Variants in KHDRBS2 observed in about 807,000 individuals in gnomAD.
The protein encoded by KHDRBS2 is KH RNA binding domain containing, signal transduction associated 2.
A neutral mutation model predicts 44.3 loss-of-function variants in KHDRBS2; 26 were observed. The ratio of observed to expected loss-of-function variants is 0.59; its 90% CI spans 0.43 to 0.81. KHDRBS2 has a LOEUF of 0.81. Ranked by LOEUF, KHDRBS2 falls within the 40% of genes least tolerant of loss-of-function variation. KHDRBS2 has a pLI of 0.00. For synonymous variants in KHDRBS2, 194 were observed against 151.1 expected (o/e 1.28, Z -2.08); for missense variants, 476 against 433.1 (o/e 1.10, Z -0.88).
intron 2 of KHDRBS2, among the ~76,000 whole-genome samples, chr6:62,080,839 C>T (rs1316744850): frequency 1.3e-5 from 2 of 151,972 alleles, no homozygotes; most frequent in Admixed American, 6.6e-5. Flanking sequence ...AACCCTGGCT[C>T]CCACCTTGCT....
At position 62,286,007 on chromosome 6, in the gene KHDRBS2, G is replaced by T. The variant is rs1428313273; in HGVS notation, c.-59C>A. On this transcript the variant is annotated 5_prime_UTR_variant, in exon 1 of 9. Transcript: ENST00000281156. Reference sequence around the variant, plus strand: ...CGAGGTTCCGCTCGCTCGGACGCAGGCAGGGTCTTGGGGCAGCGCCTGGCT... The same window carrying T: ...CGAGGTTCCGCTCGCTCGGACGCAGTCAGGGTCTTGGGGCAGCGCCTGGCT... 2 of 1,086,960 alleles carry T rather than the reference G, an allele frequency of 1.8e-6. No individual in the cohort carries two copies. Among genetic ancestry groups the T allele is most frequent in the Non-Finnish European group, 2.8e-6 (2 of 719,294 alleles). The allele number at this position is 1,086,960 out of a possible 1,614,324, so 67.3% of individuals were successfully genotyped here. A position where few individuals can be genotyped will look rare whatever the true frequency, so the allele number is the denominator to read the frequency against.
chr6:61,999,333 G>T (rs559516160), intron 3 of KHDRBS2, among the ~76,000 whole-genome samples: 9 of 152,104 alleles, frequency 5.9e-5, no homozygotes, highest in Non-Finnish European at 1.0e-4. Context: ...ATCAAGGTTT[G>T]CATAGTTACT....
intron 3 of KHDRBS2, among the ~76,000 whole-genome samples, chr6:62,005,013 G>T (rs1298841588): frequency 6.6e-6 from 1 of 151,754 alleles, no homozygotes; most frequent in East Asian, 1.9e-4. Context: ...GGAACTTCAT[G>T]ATTGAGAATC....
At chr6:62,059,198 G>GTTGTTTTTTTTTTTTTTTTTTTTT (rs1791038809) in intron 2 of KHDRBS2, among the ~76,000 whole-genome samples, 1 of 24,878 alleles carries the variant, frequency 4.0e-5, no homozygotes, top group African/African-American at 1.1e-4. Flanking sequence ...AAGTTAGGAA[G>GTTGTTTTTTTTTTTTTTTTTTTTT]TTTTTTTTTT....
chr6:61,857,589 T>TTAAAAAATA (rs1554244273), intron 6 of KHDRBS2, among the ~76,000 whole-genome samples: 1 of 72,012 alleles, frequency 1.4e-5, no homozygotes, highest in Non-Finnish European at 3.1e-5. Flanking sequence ...TACTTCATAT[T>TTAAAAAATA]TATTTTTCAT....
the KHDRBS2 span, among the ~76,000 whole-genome samples, chr6:61,650,708 A>C: frequency 6.6e-6 from 1 of 152,102 alleles, no homozygotes; most frequent in Non-Finnish European, 1.5e-5. Flanking sequence ...AACCAATTAC[A>C]ATTCCTTAGC....
At chr6:62,140,632 G>A (rs140995673) in intron 2 of KHDRBS2, among the ~76,000 whole-genome samples, 9 of 152,156 alleles carry the variant, frequency 5.9e-5, no homozygotes, top group South Asian at 4.1e-4. Context: ...CACACTTTCC[G>A]TTTTGGGACA....
At position 61,939,743 on chromosome 6, in the gene KHDRBS2, T is replaced by C. The variant is rs577115608; in HGVS notation, c.483+38323A>G. Among the ~76,000 whole-genome samples, 79 of 152,322 alleles carry C rather than the reference T, an allele frequency of 5.2e-4. 2 individuals carry two copies. In the South Asian group the frequency reaches 0.016, roughly 31 times the overall value. Reference sequence around the variant, plus strand: ...GAATCAGCATGATAGAATTATTCAATGTGAATTATAAAACTCTGGAAAGAA... The same window carrying C: ...GAATCAGCATGATAGAATTATTCAACGTGAATTATAAAACTCTGGAAAGAA... On this transcript the variant is annotated intron_variant, in intron 4 of 8. Coordinates refer to ENST00000281156, the MANE Select transcript of KHDRBS2 (RefSeq NM_152688.4).
chr6:61,771,159 C>A (rs1429626514), intron 6 of KHDRBS2, among the ~76,000 whole-genome samples: 1 of 152,156 alleles, frequency 6.6e-6, no homozygotes, highest in African/African-American at 2.4e-5. Context: ...CACCACCAGG[C>A]CTGCCCTAAA....
chr6:62,166,416 T>C (rs922894491), intron 2 of KHDRBS2, among the ~76,000 whole-genome samples: 5 of 152,006 alleles, frequency 3.3e-5, no homozygotes, highest in Non-Finnish European at 5.9e-5. Flanking sequence ...CTTTATAAAA[T>C]GGCATAAATC....
chr6:61,584,823 A>G, the KHDRBS2 span, among the ~76,000 whole-genome samples: 1 of 151,852 alleles, frequency 6.6e-6, no homozygotes, highest in Non-Finnish European at 1.5e-5. Context: ...CAATATAACA[A>G]CTTTAGAGTT....
chr6:61,638,406 A>G, the KHDRBS2 span, among the ~76,000 whole-genome samples: 1 of 152,228 alleles, frequency 6.6e-6, no homozygotes, highest in Non-Finnish European at 1.5e-5. Context: ...AGCAATGGGG[A>G]AAGGATTCCC....
At chr6:62,130,912 A>G (rs1810144265) in intron 2 of KHDRBS2, among the ~76,000 whole-genome samples, 1 of 152,144 alleles carries the variant, frequency 6.6e-6, no homozygotes, top group Non-Finnish European at 1.5e-5. Flanking sequence ...CAGAATGTAC[A>G]TCATTTTCAT....
Position 62,163,926 on chromosome 6 carries a change from A to G in KHDRBS2, c.219+13259T>C, listed in dbSNP as rs371963888. Among the ~76,000 whole-genome samples the G allele has an allele frequency of 1.9e-3, 296 of 152,100 alleles. 1 individual carries two copies. Among genetic ancestry groups the G allele is most frequent in the African/African-American group, 6.9e-3 (286 of 41,540 alleles). Reference sequence around the variant, plus strand: ...GTGTGAGGTCCCAGGTTTAAGGACTATTTTACAATGTTTTAAAGTTAAGTC... The same window carrying G: ...GTGTGAGGTCCCAGGTTTAAGGACTGTTTTACAATGTTTTAAAGTTAAGTC... On this transcript the variant is annotated intron_variant, in intron 2 of 8. Coordinates refer to ENST00000281156, the MANE Select transcript of KHDRBS2 (RefSeq NM_152688.4).
intron 4 of KHDRBS2, among the ~76,000 whole-genome samples, chr6:61,971,381 T>G (rs1297100401): frequency 6.6e-6 from 1 of 152,100 alleles, no homozygotes; most frequent in Non-Finnish European, 1.5e-5. Context: ...AGTAGTAAAA[T>G]GAGATCACTT....
chr6:61,849,273 T>C (rs1176367540), intron 6 of KHDRBS2, among the ~76,000 whole-genome samples: 1 of 152,122 alleles, frequency 6.6e-6, no homozygotes, highest in Admixed American at 6.5e-5. Context: ...TCTAATTAAT[T>C]AATTAGTTAA....
chr6:61,995,296 A>G lies in KHDRBS2; in HGVS notation c.337-17084T>C, dbSNP rs1359759020. Among the ~76,000 whole-genome samples, 3 of 152,202 alleles carry G rather than the reference A, an allele frequency of 2.0e-5. No individual in the cohort carries two copies. In the East Asian group the frequency reaches 5.8e-4, roughly 29 times the overall value. On this transcript the variant is annotated intron_variant, in intron 3 of 8. Coordinates refer to ENST00000281156, the MANE Select transcript of KHDRBS2 (RefSeq NM_152688.4). ...ATTGTCAAGTGATAAAATTGCTAATATATCAAAATATTAGAAAAACAAGAC... is the reference window on the plus strand; with the variant it reads ...ATTGTCAAGTGATAAAATTGCTAATGTATCAAAATATTAGAAAAACAAGAC...
chr6:61,788,587 A>G (rs1043909911), intron 6 of KHDRBS2, among the ~76,000 whole-genome samples: 1 of 151,330 alleles, frequency 6.6e-6, no homozygotes, highest in Non-Finnish European at 1.5e-5. Flanking sequence ...TATTCCCCTT[A>G]TTCTTAAAGA....
At chr6:61,633,375 C>G in the KHDRBS2 span, among the ~76,000 whole-genome samples, 1 of 152,004 alleles carries the variant, frequency 6.6e-6, no homozygotes, top group Non-Finnish European at 1.5e-5. Flanking sequence ...CCTACAGACC[C>G]TTTACACACT....
Sources: gnomAD v4.1 joint callset for allele counts (sites outside exome capture counted in the v4.1 genomes callset) on GRCh38, gnomAD v4.1.1 for gene constraint, MANE v1.5 for transcripts, NCBI Gene and HGNC (gene_info 2026-07-23, HGNC 2026-07-21) for gene names.